Variants in CDH11 observed in about 807,000 individuals in gnomAD.
The protein encoded by CDH11 is cadherin-11.
A neutral mutation model predicts 67.8 loss-of-function variants in CDH11; 11 were observed. The observed-to-expected ratio is 0.16, with a 90% CI of 0.10 to 0.27. CDH11 has a LOEUF of 0.27. Among genes scored for constraint, CDH11 ranks in the 10% least tolerant of loss-of-function variants. CDH11 has a pLI of 1.00. For missense variants in CDH11, 847 were observed against 1,031.2 expected (o/e 0.82, Z 2.45); for synonymous variants, 419 against 400.0 (o/e 1.05, Z -0.57).
In CDH11 at chr16:65,121,988, G is replaced by T. The variant is rs1023153669; in HGVS notation, c.-406C>A. 1 of 700,880 alleles carries T rather than the reference G, an allele frequency of 1.4e-6. No individual in the cohort carries two copies. Among genetic ancestry groups the T allele is most frequent in the Middle Eastern group, 2.4e-4 (1 of 4,230 alleles). 43.4% of individuals were successfully genotyped at this position (700,880 alleles called of 1,614,324 possible). On this transcript the variant is annotated 5_prime_UTR_variant, in exon 1 of 13. Coordinates refer to ENST00000268603, the MANE Select transcript of CDH11 (RefSeq NM_001797.4). The surrounding 1 kb of genome is among the most constrained non-coding windows in gnomAD (Gnocchi z 4.1). The stretch of plus-strand genomic sequence containing the variant: ...GTCCCGGTCCCATTCACAAGTCAGC[G>T]GCGGCTGCGAGCGGCCCCCGCGGCA...
intron 2 of CDH11, among the ~76,000 whole-genome samples, chr16:65,032,834 T>C (rs959300427): frequency 7.2e-5 from 11 of 152,164 alleles, no homozygotes; most frequent in African/African-American, 2.7e-4. Flanking sequence ...ATGAGAAATA[T>C]CAAGTTTTTA....
chr16:65,103,064 G>A (rs1186872151), intron 1 of CDH11, among the ~76,000 whole-genome samples: 2 of 152,122 alleles, frequency 1.3e-5, no homozygotes, highest in African/African-American at 4.8e-5. Flanking sequence ...ATTCATGCAG[G>A]TGCCTACCAC....
Position 64,973,017 on chromosome 16 carries a change from T to C in CDH11, c.1277A>G (p.Asp426Gly). The change falls in exon 9 of 13, where the codon GAC (aspartate) becomes GGC (glycine). Residue 426 changes from aspartate to glycine, a missense_variant. Physicochemically the swap from Asp to Gly is moderately conservative, Grantham distance 94. Transcript: ENST00000268603. ...PIRYSIDRHT[D>G]LDRFFTINPE... Reference sequence around the variant, plus strand: ...ATTAATAGTGAAAAATCTGTCGAGGTCAGTGTGACGATCGATGGAATACCT... The same window carrying C: ...ATTAATAGTGAAAAATCTGTCGAGGCCAGTGTGACGATCGATGGAATACCT... 1 of 1,613,674 alleles carries C rather than the reference T, an allele frequency of 6.2e-7. No individual in the cohort carries two copies. Among genetic ancestry groups the C allele is most frequent in the Admixed American group, 1.7e-5 (1 of 59,992 alleles).
intron 1 of CDH11, among the ~76,000 whole-genome samples, chr16:65,063,292 G>T (rs533871673): frequency 6.6e-6 from 1 of 151,868 alleles, no homozygotes; most frequent in African/African-American, 2.4e-5. Flanking sequence ...ATACTCTTTG[G>T]ATGGTTACTT....
At chr16:65,119,601 C>T (rs1402640954) in intron 1 of CDH11, among the ~76,000 whole-genome samples, 1 of 152,066 alleles carries the variant, frequency 6.6e-6, no homozygotes, top group Non-Finnish European at 1.5e-5. Context: ...GTCTGGGGCT[C>T]GCCAGATTAT....
At chr16:65,078,231 C>T (rs1417601662) in intron 1 of CDH11, among the ~76,000 whole-genome samples, 2 of 152,164 alleles carry the variant, frequency 1.3e-5, no homozygotes, top group Non-Finnish European at 2.9e-5. Context: ...GGCTATAAGA[C>T]TTTACAGTAT....
chr16:65,049,599 A>G (rs1376587390), intron 2 of CDH11, among the ~76,000 whole-genome samples: 1 of 152,192 alleles, frequency 6.6e-6, no homozygotes, highest in Non-Finnish European at 1.5e-5. Context: ...TCACTAGCTA[A>G]ATAAAGCAAG....
intron 6 of CDH11, among the ~76,000 whole-genome samples, chr16:64,990,560 T>C (rs141034314): frequency 7.2e-5 from 11 of 152,280 alleles, no homozygotes; most frequent in African/African-American, 2.4e-4. Context: ...TGTACATACA[T>C]AGACAGACTT....
chr16:65,044,478 G>C (rs1380679127), intron 2 of CDH11, among the ~76,000 whole-genome samples: 2 of 151,906 alleles, frequency 1.3e-5, no homozygotes, highest in African/African-American at 4.8e-5. Context: ...ATGGAAAAGG[G>C]GGCTCATGAA....
chr16:65,076,776 G>A (rs2074518325), intron 1 of CDH11, among the ~76,000 whole-genome samples: 1 of 150,706 alleles, frequency 6.6e-6, no homozygotes, highest in African/African-American at 2.4e-5. Context: ...AGAACATACG[G>A]TGCTTGGTTT....
In CDH11 at chr16:64,982,186, A is replaced by G. The variant is rs762754607; in HGVS notation, c.1115T>C (p.Ile372Thr). The G allele has an allele frequency of 1.2e-6, 2 of 1,613,924 alleles. No homozygotes were observed. Among genetic ancestry groups the G allele is most frequent in the Admixed American group, 3.3e-5 (2 of 59,994 alleles). The change falls in exon 8 of 13, where the codon ATC (isoleucine) becomes ACC (threonine). Residue 372 changes from isoleucine (I) to threonine (T), a missense_variant. By Grantham distance (89) the Ile-to-Thr change is moderately conservative (BLOSUM62 -1). This residue lies in a region of CDH11 where 612 missense variants were observed against 678.7 expected (regional missense o/e 0.90). Coordinates refer to ENST00000268603, the MANE Select transcript of CDH11 (RefSeq NM_001797.4). Reference sequence around the variant, plus strand: ...GGGCTCATCAGCATCTTCTACTGAGATCTTGACGGTCACAGTGTCCTTGAA... The same window carrying G: ...GGGCTCATCAGCATCTTCTACTGAGGTCTTGACGGTCACAGTGTCCTTGAA... Reference protein sequence around the residue: ...GPFKDTVTVKISVEDADEPPM... With the variant: ...GPFKDTVTVKTSVEDADEPPM...
intron 2 of CDH11, among the ~76,000 whole-genome samples, chr16:65,052,867 C>T (rs1026290612): frequency 6.6e-6 from 1 of 152,020 alleles, no homozygotes; most frequent in Non-Finnish European, 1.5e-5. Context: ...TCAGAGATAG[C>T]CAAATGATAG....
intron 12 of CDH11, 141 bp downstream of exon 12, chr16:64,950,626 C>G (rs2071332121): frequency 1.0e-6 from 1 of 990,352 alleles, no homozygotes; most frequent in Non-Finnish European, 1.4e-6. Flanking sequence ...ACCCCGCCCC[C>G]GTACCCCACT....
At chr16:65,083,175 A>G (rs923941318) in intron 1 of CDH11, among the ~76,000 whole-genome samples, 12 of 152,322 alleles carry the variant, frequency 7.9e-5, no homozygotes, top group East Asian at 3.9e-4. Context: ...CACTTGAATT[A>G]GCCACCAGCT....
At chr16:65,015,599 C>A (rs1304277414) in intron 2 of CDH11, among the ~76,000 whole-genome samples, 2 of 152,194 alleles carry the variant, frequency 1.3e-5, no homozygotes, top group East Asian at 1.9e-4. Context: ...TAAACTATTT[C>A]TATGGAAACA....
chr16:65,002,320 C>T (rs1341457957), intron 3 of CDH11, among the ~76,000 whole-genome samples: 6 of 152,106 alleles, frequency 3.9e-5, no homozygotes, highest in Admixed American at 3.9e-4. Flanking sequence ...TCTGCAACCC[C>T]CAATCTGAAC....
chr16:65,110,877 A>G (rs2075145292), intron 1 of CDH11, among the ~76,000 whole-genome samples: 1 of 152,178 alleles, frequency 6.6e-6, no homozygotes, highest in Non-Finnish European at 1.5e-5. Context: ...AAACAATTGA[A>G]CAAGCAAACA....
upstream of CDH11, chr16:65,122,292 A>C: frequency 5.8e-6 from 2 of 342,754 alleles, no homozygotes; most frequent in East Asian, 8.3e-5. Context: ...AGAGATGCTA[A>C]CCCCTGGATT....
upstream of CDH11, chr16:65,122,336 T>C (rs2075349748): frequency 3.5e-6 from 1 of 286,628 alleles, no homozygotes; most frequent in Non-Finnish European, 6.7e-6. Context: ...GGCGCGGCGC[T>C]CCGACTCCCT....
Sources: allele counts gnomAD v4.1 joint callset (sites outside exome capture counted in the v4.1 genomes callset), GRCh38; gene constraint gnomAD v4.1.1; regional missense constraint gnomAD v4.1.1; non-coding constraint Gnocchi (gnomAD v3.1); transcripts MANE v1.5; gene names NCBI Gene and HGNC (gene_info 2026-07-23, HGNC 2026-07-21).